Variants in CDH13 observed in about 807,000 individuals in gnomAD.
The protein encoded by CDH13 is cadherin-13.
Under a neutral mutation model 63.8 loss-of-function variants are expected in CDH13, and 24 were observed. The observed-to-expected ratio is 0.38, with a 90% CI of 0.27 to 0.53. The LOEUF is 0.53. CDH13 is among the 20% of genes least tolerant of loss of function. The pLI, the probability that CDH13 is intolerant of heterozygous loss-of-function variation, is 0.85. For synonymous variants in CDH13, 503 were observed against 355.3 expected (o/e 1.42, Z -4.67); for missense variants, 1,049 against 903.1 (o/e 1.16, Z -2.07).
At chr16:82,853,236 A>G (rs1240711970) in intron 1 of CDH13, among the ~76,000 whole-genome samples, 2 of 152,178 alleles carry the variant, frequency 1.3e-5, no homozygotes. Flanking sequence ...CAAACACCCC[A>G]TGATCTTCTG....
chr16:82,646,073 C>G (rs1038945023), intron 1 of CDH13, among the ~76,000 whole-genome samples: 1 of 152,346 alleles, frequency 6.6e-6, no homozygotes, highest in Admixed American at 6.5e-5. Flanking sequence ...ATGAGATGAA[C>G]TAAGAGCATG....
intron 6 of CDH13, among the ~76,000 whole-genome samples, chr16:83,349,764 C>G (rs903113789): frequency 6.6e-6 from 1 of 152,038 alleles, no homozygotes; most frequent in African/African-American, 2.4e-5. Context: ...CCACGCCCAG[C>G]TAATTTTTGT....
At chr16:82,899,370 A>G (rs147826221) in intron 2 of CDH13, among the ~76,000 whole-genome samples, 1 of 152,352 alleles carries the variant, frequency 6.6e-6, no homozygotes, top group African/African-American at 2.4e-5. Flanking sequence ...AATACAATAC[A>G]TCAATGGTTT....
chr16:83,079,206 T>C (rs2033065721), intron 3 of CDH13, among the ~76,000 whole-genome samples: 1 of 152,250 alleles, frequency 6.6e-6, no homozygotes, highest in South Asian at 2.1e-4. Context: ...AAACAGGGGC[T>C]ACTCAGCTAT....
intron 2 of CDH13, among the ~76,000 whole-genome samples, chr16:82,903,344 T>C (rs1419143481): frequency 6.6e-6 from 1 of 152,216 alleles, no homozygotes; most frequent in Non-Finnish European, 1.5e-5. Context: ...CCTGCACCTG[T>C]CCTCTTTGGA....
intron 5 of CDH13, among the ~76,000 whole-genome samples, chr16:83,227,030 C>T (rs1017050400): frequency 1.3e-5 from 2 of 152,212 alleles, no homozygotes; most frequent in Non-Finnish European, 2.9e-5. Flanking sequence ...AGGTTGTCCT[C>T]CTACGCTGGG....
chr16:82,863,778 T>C (rs1174624420), intron 2 of CDH13, among the ~76,000 whole-genome samples: 3 of 152,224 alleles, frequency 2.0e-5, no homozygotes, highest in African/African-American at 7.2e-5. Context: ...AAAAATCATG[T>C]TGGCCATTAA....
chr16:83,334,709 C>G (rs2090555270), intron 5 of CDH13, among the ~76,000 whole-genome samples: 1 of 152,102 alleles, frequency 6.6e-6, no homozygotes, highest in African/African-American at 2.4e-5. Context: ...GATCAGCAAC[C>G]TTAATTCCAT....
chr16:83,074,810 A>G (rs2032703027), intron 3 of CDH13, among the ~76,000 whole-genome samples: 2 of 152,218 alleles, frequency 1.3e-5, no homozygotes, highest in Non-Finnish European at 2.9e-5. Flanking sequence ...TTCCTGATAA[A>G]TAGTCCATAT....
chr16:83,382,003 A>T lies in CDH13; in HGVS notation c.781+36997A>T, dbSNP rs887442085. Among the ~76,000 whole-genome samples the T allele has an allele frequency of 3.9e-5, 6 of 152,318 alleles. No homozygotes were observed. The East Asian group carries it at 1.2e-3, about 29-fold the overall frequency. Reference sequence around the variant, plus strand: ...TCTGTGGACACAGGAACGACGAAAAAGTCTCCCTTATGACCTAACGGCTTA... The same window carrying T: ...TCTGTGGACACAGGAACGACGAAAATGTCTCCCTTATGACCTAACGGCTTA... On this transcript the variant is annotated intron_variant, in intron 6 of 13. Coordinates refer to ENST00000567109, the MANE Select transcript of CDH13 (RefSeq NM_001257.5).
At chr16:83,147,332 C>T (rs548791827) in intron 4 of CDH13, among the ~76,000 whole-genome samples, 154 of 152,296 alleles carry the variant, frequency 1.0e-3, no homozygotes, top group Non-Finnish European at 1.7e-3. Flanking sequence ...TTCTTGCAGT[C>T]CTCTTCTAAC....
chr16:83,697,644 C>A (rs1905582109), intron 10 of CDH13, among the ~76,000 whole-genome samples: 1 of 152,196 alleles, frequency 6.6e-6, no homozygotes, highest in Admixed American at 6.5e-5. Context: ...ACCGTGTATT[C>A]TTCCCGAGAG....
chr16:83,339,891 A>T (rs1431580284), intron 5 of CDH13, among the ~76,000 whole-genome samples: 1 of 152,220 alleles, frequency 6.6e-6, no homozygotes, highest in East Asian at 1.9e-4. Context: ...TCCCTGGATG[A>T]TCCATAGGCC....
chr16:83,450,845 G>T (rs1338185782), intron 6 of CDH13, among the ~76,000 whole-genome samples: 1 of 152,160 alleles, frequency 6.6e-6, no homozygotes, highest in Non-Finnish European at 1.5e-5. Flanking sequence ...ACTCCAGCCT[G>T]GGAGACAGAG....
intron 8 of CDH13, among the ~76,000 whole-genome samples, chr16:83,603,483 C>T (rs1462039212): frequency 6.6e-6 from 1 of 152,174 alleles, no homozygotes; most frequent in Non-Finnish European, 1.5e-5. Flanking sequence ...GAACAAGCTC[C>T]AAGGTCATGG....
chr16:83,218,549 T>C (rs962607871), intron 5 of CDH13, among the ~76,000 whole-genome samples: 1 of 152,146 alleles, frequency 6.6e-6, no homozygotes, highest in African/African-American at 2.4e-5. Context: ...TAACCAGAGG[T>C]GACCTGGCAG....
intron 3 of CDH13, among the ~76,000 whole-genome samples, chr16:83,046,902 C>A (rs1334434613): frequency 6.6e-6 from 1 of 152,162 alleles, no homozygotes; most frequent in Non-Finnish European, 1.5e-5. Flanking sequence ...GAAGACTGGA[C>A]ATGAGATCCA....
intron 2 of CDH13, among the ~76,000 whole-genome samples, chr16:83,009,285 C>T (rs184647291): frequency 6.6e-6 from 1 of 152,180 alleles, no homozygotes; most frequent in Non-Finnish European, 1.5e-5. Flanking sequence ...CACAGAAAAC[C>T]AGTGCTCTTG....
intron 10 of CDH13, among the ~76,000 whole-genome samples, chr16:83,699,344 C>A (rs760942534): frequency 6.6e-6 from 1 of 152,184 alleles, no homozygotes; most frequent in Non-Finnish European, 1.5e-5. Flanking sequence ...GGAGCAGCAT[C>A]CAGATGTCAG....
Sources: gnomAD v4.1 joint callset for allele counts (sites outside exome capture counted in the v4.1 genomes callset) on GRCh38, gnomAD v4.1.1 for gene constraint, MANE v1.5 for transcripts, NCBI Gene and HGNC (gene_info 2026-07-23, HGNC 2026-07-21) for gene names.